The following SSH1 variants were observed in gnomAD, a reference collection of about 807,000 sequenced individuals.
SSH1 encodes protein phosphatase Slingshot homolog 1.
Under a neutral mutation model 79.7 loss-of-function variants are expected in SSH1, and 43 were observed. The ratio of observed to expected loss-of-function variants is 0.54; its 90% CI spans 0.42 to 0.70. The LOEUF (loss-of-function observed/expected upper bound fraction) is 0.70. Ranked by LOEUF, SSH1 falls within the 30% of genes least tolerant of loss-of-function variation. SSH1 has a pLI of 0.00. For missense variants in SSH1, 1,206 were observed against 1,358.8 expected, an observed-to-expected ratio of 0.89 and a Z score of 1.77; for synonymous variants, 599 against 538.3, an observed-to-expected ratio of 1.11 and a Z score of -1.56.
intron 2 of SSH1, among the ~76,000 whole-genome samples, chr12:108,838,614 T>C (rs1306766867): frequency 1.3e-5 from 2 of 152,156 alleles, no homozygotes; most frequent in Non-Finnish European, 2.9e-5. Context: ...TGGCACCAAG[T>C]GCTGCTGCTG....
chr12:108,815,547 C>T (rs2037845927), intron 5 of SSH1, among the ~76,000 whole-genome samples: 1 of 152,210 alleles, frequency 6.6e-6, no homozygotes, highest in Admixed American at 6.5e-5. Context: ...AACCGCAAGA[C>T]GGTCAAACAC....
At chr12:108,789,292 C>CA in intron 14 of SSH1, 48 bp from the exon 15 acceptor site, 1 of 1,554,366 alleles carries the variant, frequency 6.4e-7, no homozygotes. Flanking sequence ...AGTCATGAGC[C>CA]AAAGACCAAA....
At chr12:108,806,240 G>A in intron 9 of SSH1, 61 bp downstream of exon 9, 1 of 1,491,204 alleles carries the variant, frequency 6.7e-7, no homozygotes, top group Non-Finnish European at 9.4e-7. Flanking sequence ...GCACTTTCGG[G>A]AGCAGGACAC....
In SSH1 at chr12:108,817,129, G is replaced by C. The variant is rs773595034; in HGVS notation, c.310C>G (p.Arg104Gly). The change falls in exon 5 of 15, where the codon CGG (arginine) becomes GGG (glycine). Residue 104 changes from arginine (R) to glycine (G), a missense_variant. By Grantham distance (125) the Arg-to-Gly change is moderately radical. This residue lies in a region of SSH1 where 115 missense variants were observed against 173.9 expected (regional missense o/e 0.66). Transcript: ENST00000326495. ...TACACCACCACCATGTACCGGACCCGGTCCGCCCAGGCGCTCTCCAGGCGC... is the reference window on the plus strand; with the variant it reads ...TACACCACCACCATGTACCGGACCCCGTCCGCCCAGGCGCTCTCCAGGCGC... Reference protein sequence around the residue: ...AVRLESAWADRVRYMVVVYSS... With the variant: ...AVRLESAWADGVRYMVVVYSS... 1.9e-6 allele frequency: 3 copies of C among 1,614,108 alleles called. No individual in the cohort carries two copies. Among genetic ancestry groups the C allele is most frequent in the Admixed American group, 1.7e-5 (1 of 60,032 alleles).
chr12:108,814,682 C>A (rs557849121), intron 5 of SSH1, among the ~76,000 whole-genome samples: 1 of 152,326 alleles, frequency 6.6e-6, no homozygotes, highest in African/African-American at 2.4e-5. Flanking sequence ...CCTGCCCTGG[C>A]CTTGGGGTCG....
At chr12:108,797,728 C>T (rs1280785915) in intron 13 of SSH1, among the ~76,000 whole-genome samples, 1 of 152,186 alleles carries the variant, frequency 6.6e-6, no homozygotes, top group Non-Finnish European at 1.5e-5. Flanking sequence ...TTCCTATCCC[C>T]TTTCCAGCTC....
rs2036365773 is a variant in SSH1 at position 108,788,573 on chromosome 12, G to A, written c.2565C>T (p.Ile855=). 2 of 1,599,312 alleles carry A rather than the reference G, an allele frequency of 1.3e-6. No homozygotes were observed. Among genetic ancestry groups the A allele is most frequent in the East Asian group, 2.2e-5 (1 of 44,624 alleles). ...DGPASRLEAS[I]PEESQDPAAL... is the part of the protein sequence containing the mutation. ...CGGCTGGATCCTGGCTCTCCTCGGGGATGCTGGCCTCCAGCCTGCTGGCAG... is the reference window on the plus strand; with the variant it reads ...CGGCTGGATCCTGGCTCTCCTCGGGAATGCTGGCCTCCAGCCTGCTGGCAG... The change falls in exon 15 of 15, where the codon ATC becomes ATT. Residue 855 remains isoleucine (I), a synonymous_variant. Coordinates refer to ENST00000326495, the MANE Select transcript of SSH1 (RefSeq NM_018984.4).
chr12:108,824,241 C>T (rs980924009), intron 2 of SSH1, among the ~76,000 whole-genome samples: 29 of 152,050 alleles, frequency 1.9e-4, no homozygotes, highest in African/African-American at 6.5e-4. Flanking sequence ...GTCAGGAGTT[C>T]GAGACCAGTC....
rs549111302 is a variant in SSH1, at chr12:108,809,713, A to G, written c.516T>C (p.Pro172=). 2.9e-5 allele frequency: 47 copies of G among 1,614,044 alleles called. No homozygotes were observed. The South Asian group carries it at 4.4e-4, about 15-fold the overall frequency. The change falls in exon 7 of 15, where the codon CCT becomes CCC. Residue 172 remains proline (P), a synonymous_variant. Coordinates refer to ENST00000326495, the MANE Select transcript of SSH1 (RefSeq NM_018984.4). The part of the protein sequence containing the change: ...STAGRMHIFK[P]VSVQAMWSAL... ...CTTACCACATGGCCTGGACAGACAC[A>G]GGCTTAAATATGTGCATCCTTCCTG... is the stretch of plus-strand genomic sequence containing the variant.
chr12:108,829,246 G>C (rs2038413828), intron 2 of SSH1, among the ~76,000 whole-genome samples: 1 of 152,134 alleles, frequency 6.6e-6, no homozygotes, highest in Non-Finnish European at 1.5e-5. Context: ...AGAATCACTT[G>C]AACCCAGGAG....
intron 2 of SSH1, among the ~76,000 whole-genome samples, chr12:108,836,476 T>C (rs144790942): frequency 1.9e-3 from 295 of 152,278 alleles, no homozygotes; most frequent in African/African-American, 6.9e-3. Flanking sequence ...TAAAGAATGA[T>C]GTGGACATGT....
chr12:108,798,070 A>G (rs982436660), intron 13 of SSH1, among the ~76,000 whole-genome samples: 5 of 151,980 alleles, frequency 3.3e-5, no homozygotes, highest in African/African-American at 1.2e-4. Flanking sequence ...CACAGGGTTC[A>G]CTCCTGCCAG....
Position 108,788,532 on chromosome 12 carries a change from C to T in SSH1, c.2606G>A (p.Gly869Asp), listed in dbSNP as rs1196531379. 6.4e-7 allele frequency: 1 copy of T among 1,567,190 alleles called. No individual in the cohort carries two copies. The highest frequency in any genetic ancestry group is 1.8e-5 in the Admixed American group (1 of 54,272). Residue 869 changes from glycine to aspartate, a missense_variant, in exon 15 of 15, where the codon GGC becomes GAC. Around this residue, in one of 5 missense-constraint regions of SSH1, gnomAD observed 709 missense variants for 730.6 expected, o/e 0.97. Transcript: ENST00000326495. ...GGCCTGGCTGGGCATAACCAGGGGGCCCAGCTCGTGGAGCGCGGCTGGATC... is the reference window on the plus strand; with the variant it reads ...GGCCTGGCTGGGCATAACCAGGGGGTCCAGCTCGTGGAGCGCGGCTGGATC... ...SQDPAALHELGPLVMPSQAGS... is the reference protein window; with the variant it reads ...SQDPAALHELDPLVMPSQAGS...
At chr12:108,824,144 T>G (rs1390275478) in intron 2 of SSH1, among the ~76,000 whole-genome samples, 1 of 152,244 alleles carries the variant, frequency 6.6e-6, no homozygotes, top group Non-Finnish European at 1.5e-5. Context: ...ACTAGTTGTT[T>G]GCATTTTAAG....
At chr12:108,789,591 T>A (rs796680312) in intron 14 of SSH1, among the ~76,000 whole-genome samples, 6 of 152,156 alleles carry the variant, frequency 3.9e-5, no homozygotes, top group African/African-American at 1.4e-4. Flanking sequence ...TACCCAGTGG[T>A]CCTGGGAATG....
intron 2 of SSH1, among the ~76,000 whole-genome samples, chr12:108,831,615 T>G (rs961372784): frequency 4.0e-5 from 6 of 151,852 alleles, no homozygotes; most frequent in African/African-American, 1.5e-4. Context: ...CACACAGGGG[T>G]TCAGGGAGGC....
At chr12:108,848,221 G>A (rs77120861) in intron 2 of SSH1, among the ~76,000 whole-genome samples, 1,793 of 152,288 alleles carry the variant, frequency 0.012, 36 homozygotes, top group African/African-American at 0.041. Flanking sequence ...GAAGAGATGT[G>A]AGGACCTGAA....
At chr12:108,825,598 C>T (rs2038281288) in intron 2 of SSH1, among the ~76,000 whole-genome samples, 1 of 152,186 alleles carries the variant, frequency 6.6e-6, no homozygotes, top group Admixed American at 6.6e-5. Flanking sequence ...TTTTCGATAT[C>T]TTGTGACACC....
chr12:108,809,508 T>C (rs2037466358), intron 7 of SSH1, among the ~76,000 whole-genome samples, 185 bp downstream of exon 7: 1 of 151,414 alleles, frequency 6.6e-6, no homozygotes, highest in Admixed American at 6.6e-5. Flanking sequence ...GTGAATATAC[T>C]TAATGCCGCT....
Sources: allele counts gnomAD v4.1 joint callset (sites outside exome capture counted in the v4.1 genomes callset), GRCh38; gene constraint gnomAD v4.1.1; regional missense constraint gnomAD v4.1.1; transcripts MANE v1.5; gene names NCBI Gene and HGNC (gene_info 2026-07-23, HGNC 2026-07-21).